The following DENND1A variants were observed in gnomAD, a reference collection of about 807,000 sequenced individuals.
The protein encoded by DENND1A is DENN domain-containing protein 1A.
A neutral mutation model predicts 113.7 loss-of-function variants in DENND1A; 51 were observed. The ratio of observed to expected loss-of-function variants is 0.45; its 90% CI spans 0.36 to 0.57. The LOEUF is 0.57. Among genes scored for constraint, DENND1A ranks in the 20% least tolerant of loss-of-function variants. The pLI, the probability that DENND1A is intolerant of heterozygous loss-of-function variation, is 0.00. For missense variants in DENND1A, 1,258 were observed against 1,395.9 expected, an observed-to-expected ratio of 0.90 and a Z score of 1.57; for synonymous variants, 565 against 570.8, an observed-to-expected ratio of 0.99 and a Z score of 0.14.
chr9:123,631,789 A>G (rs2061486908), intron 9 of DENND1A, among the ~76,000 whole-genome samples: 1 of 152,176 alleles, frequency 6.6e-6, no homozygotes. Context: ...GACATCATAC[A>G]ATCAGTATTT....
chr9:123,473,992 T>C (rs867791196), intron 13 of DENND1A, among the ~76,000 whole-genome samples: 1,393 of 124,692 alleles, frequency 0.011, 47 homozygotes, highest in African/African-American at 0.043. Context: ...CTTTCTTTTT[T>C]TTTTTTTTTT....
chr9:123,684,303 C>T (rs556071520), intron 5 of DENND1A, among the ~76,000 whole-genome samples: 1 of 152,270 alleles, frequency 6.6e-6, no homozygotes, highest in South Asian at 2.1e-4. Context: ...AACATTTTTC[C>T]TCTTCTGTCC....
intron 20 of DENND1A, among the ~76,000 whole-genome samples, chr9:123,406,053 T>C (rs2043823018): frequency 6.6e-6 from 1 of 152,176 alleles, no homozygotes; most frequent in African/African-American, 2.4e-5. Flanking sequence ...CTGCCCACCC[T>C]TTTTCCTGAA....
chr9:123,807,939 T>C lies in DENND1A; in HGVS notation c.89-15309A>G, dbSNP rs150232008. The stretch of plus-strand genomic sequence containing the variant: ...CTCAGATTTAACTTTAAAACCTATA[T>C]TCTTGGCCGGGCACAGTAGCTCACA... On this transcript the variant is annotated intron_variant, in intron 2 of 23. Coordinates refer to ENST00000394215, the MANE Select transcript of DENND1A (RefSeq NM_001352964.2). Among the ~76,000 whole-genome samples, 738 of 152,212 alleles carry C rather than the reference T, an allele frequency of 4.8e-3. 2 individuals are homozygous for C. Among genetic ancestry groups the C allele is most frequent in the African/African-American group, 0.017 (723 of 41,560 alleles).
intron 18 of DENND1A, among the ~76,000 whole-genome samples, chr9:123,446,572 C>A (rs2047321773): frequency 6.6e-6 from 1 of 152,270 alleles, no homozygotes; most frequent in East Asian, 1.9e-4. Context: ...GATTTGTAAT[C>A]CCAGCACTTT....
At chr9:123,569,166 G>A (rs1048917792) in intron 12 of DENND1A, among the ~76,000 whole-genome samples, 3 of 152,148 alleles carry the variant, frequency 2.0e-5, no homozygotes, top group African/African-American at 7.2e-5. Context: ...ACCCAGCTGT[G>A]TTTATGTAGC....
At chr9:123,727,616 T>A (rs2067800157) in intron 5 of DENND1A, among the ~76,000 whole-genome samples, 1 of 151,638 alleles carries the variant, frequency 6.6e-6, no homozygotes, top group Admixed American at 6.6e-5. Flanking sequence ...AGACCTTAAA[T>A]GATAGGAAAA....
At chr9:123,503,543 T>A (rs1443614479) in intron 13 of DENND1A, among the ~76,000 whole-genome samples, 1 of 152,202 alleles carries the variant, frequency 6.6e-6, no homozygotes, top group African/African-American at 2.4e-5. Flanking sequence ...CTGGCCAGTC[T>A]TGAGCTCATC....
intron 11 of DENND1A, among the ~76,000 whole-genome samples, chr9:123,607,525 A>C (rs1215547755): frequency 1.4e-5 from 1 of 69,238 alleles, no homozygotes; most frequent in Non-Finnish European, 3.1e-5. Context: ...ACACACAGAG[A>C]GAGAGAGAGA....
intron 21 of DENND1A, among the ~76,000 whole-genome samples, chr9:123,398,213 A>G (rs2043232796): frequency 6.6e-6 from 1 of 152,184 alleles, no homozygotes; most frequent in Non-Finnish European, 1.5e-5. Flanking sequence ...GCCACTTCCC[A>G]GCAGGGAACA....
At chr9:123,870,626 G>A (rs895838281) in intron 2 of DENND1A, among the ~76,000 whole-genome samples, 2 of 151,800 alleles carry the variant, frequency 1.3e-5, no homozygotes, top group Non-Finnish European at 2.9e-5. Context: ...TAGTAGAGAC[G>A]GGGTTTCACC....
At chr9:123,395,506 G>C (rs2043078756) in intron 21 of DENND1A, among the ~76,000 whole-genome samples, 4 of 151,380 alleles carry the variant, frequency 2.6e-5, no homozygotes, top group Non-Finnish European at 5.9e-5. Context: ...CAGAGAGAGA[G>C]AGAGAGAGTG....
At chr9:123,582,752 T>G (rs1469080504) in intron 12 of DENND1A, among the ~76,000 whole-genome samples, 2 of 150,740 alleles carry the variant, frequency 1.3e-5, no homozygotes, top group Non-Finnish European at 1.5e-5. Flanking sequence ...CAGGCTGGAG[T>G]GCAGTGGCGC....
At chr9:123,385,011 T>C (rs1252993179) in intron 22 of DENND1A, among the ~76,000 whole-genome samples, 1 of 152,136 alleles carries the variant, frequency 6.6e-6, no homozygotes, top group African/African-American at 2.4e-5. Context: ...CACCACTACT[T>C]TGCAGCTGAT....
chr9:123,676,633 T>C, intron 6 of DENND1A, 87 bp downstream of exon 6: 1 of 1,306,394 alleles, frequency 7.7e-7, no homozygotes, highest in Non-Finnish European at 1.1e-6. Flanking sequence ...CATCACTTTT[T>C]TGGTAAAATA....
intron 18 of DENND1A, among the ~76,000 whole-genome samples, chr9:123,441,621 T>A (rs2046939168): frequency 6.6e-6 from 1 of 152,196 alleles, no homozygotes; most frequent in Non-Finnish European, 1.5e-5. Flanking sequence ...GGAACATGGA[T>A]GGGGCCACTC....
chr9:123,861,756 A>C (rs934907744), intron 2 of DENND1A, among the ~76,000 whole-genome samples: 5 of 152,180 alleles, frequency 3.3e-5, no homozygotes, highest in Non-Finnish European at 7.4e-5. Flanking sequence ...AAATATATAT[A>C]TAAATCAACA....
chr9:123,634,296 A>G (rs1474814050), intron 9 of DENND1A, among the ~76,000 whole-genome samples: 2 of 152,248 alleles, frequency 1.3e-5, no homozygotes, highest in African/African-American at 4.8e-5. Flanking sequence ...AATTTCTGCA[A>G]TCGGGGTAAA....
intron 5 of DENND1A, among the ~76,000 whole-genome samples, chr9:123,756,580 G>C (rs988295132): frequency 4.6e-5 from 7 of 152,134 alleles, no homozygotes; most frequent in African/African-American, 1.7e-4. Flanking sequence ...GCTATGCTTG[G>C]TGCAGAAGAG....
Sources: allele counts gnomAD v4.1 joint callset (sites outside exome capture counted in the v4.1 genomes callset), GRCh38; gene constraint gnomAD v4.1.1; transcripts MANE v1.5; gene names NCBI Gene and HGNC (gene_info 2026-07-23, HGNC 2026-07-21).